Variants in SLC30A10 observed in about 807,000 individuals in gnomAD.
SLC30A10 encodes the protein solute carrier family 30 member 10, also known as calcium/manganese antiporter SLC30A10.
In SLC30A10, 8 loss-of-function variants were observed where a neutral mutation model predicts 21.7. The ratio of observed to expected loss-of-function variants is 0.37; its 90% CI spans 0.22 to 0.67. The LOEUF (loss-of-function observed/expected upper bound fraction) is 0.67, where lower values mean the gene tolerates loss of function less well. SLC30A10 is among the 30% of genes least tolerant of loss of function. The pLI is 0.58. For missense variants in SLC30A10, 521 were observed against 642.5 expected (o/e 0.81, Z 2.04); for synonymous variants, 272 against 279.4 (o/e 0.97, Z 0.26).
Position 219,928,392 on chromosome 1 carries a change from G to A in SLC30A10, c.49C>T (p.Leu17Phe), listed in dbSNP as rs374053468. 1 of 1,613,410 alleles carries A rather than the reference G, an allele frequency of 6.2e-7. No homozygotes were observed. Among genetic ancestry groups the A allele is most frequent in the Non-Finnish European group, 8.5e-7 (1 of 1,179,704 alleles). ...TCCGCCACGAAGAAGGCGACGGTGA[G>A]CACCAGCATGAAGAGCAGCCGGCAC... ...KTCRLLFMLV[L>F]TVAFFVAELV... is the part of the protein sequence containing the mutation. Residue 17 changes from leucine (L) to phenylalanine (F), a missense_variant, in exon 1 of 4, where the codon CTC (leucine) becomes TTC (phenylalanine). Coordinates refer to ENST00000366926, the MANE Select transcript of SLC30A10 (RefSeq NM_018713.3). This position sits in a 1 kb window ranked among gnomAD's most constrained non-coding sequence, Gnocchi z 6.3.
At chr1:219,921,350 T>C (rs1558251588) in intron 2 of SLC30A10, among the ~76,000 whole-genome samples, 1 of 152,176 alleles carries the variant, frequency 6.6e-6, no homozygotes, top group Non-Finnish European at 1.5e-5. Flanking sequence ...AATACATAAG[T>C]AACTTGTCCA....
intron 1 of SLC30A10, among the ~76,000 whole-genome samples, chr1:219,951,574 A>T (rs1231507162): frequency 6.6e-6 from 1 of 151,642 alleles, no homozygotes; most frequent in Non-Finnish European, 1.5e-5. Flanking sequence ...ACAAAAAATT[A>T]GCCGGGTGTG....
chr1:219,935,389 T>A (rs750633086), intron 1 of SLC30A10, among the ~76,000 whole-genome samples: 1 of 152,222 alleles, frequency 6.6e-6, no homozygotes, highest in Non-Finnish European at 1.5e-5. Flanking sequence ...GGAAATAATT[T>A]TGTGTGAAGG....
rs765912310 is a variant in SLC30A10, at chr1:219,928,237, G to A, written c.204C>T (p.Phe68=). The A allele has an allele frequency of 1.3e-6, 2 of 1,572,924 alleles. No homozygotes were observed. Among genetic ancestry groups the A allele is most frequent in the Non-Finnish European group, 1.7e-6 (2 of 1,159,768 alleles). Residue 68 remains phenylalanine, a synonymous_variant, in exon 1 of 4, where the codon TTC becomes TTT. Transcript: ENST00000366926. The surrounding 1 kb of genome is among the most constrained non-coding windows in gnomAD (Gnocchi z 6.3). ...GYIARRPTRG[F]SATYGYARAE... is the part of the protein sequence containing the mutation. ...CGCGGGCGTAGCCGTAGGTGGCGCTGAAGCCCCGGGTGGGGCGCCGGGCGA... is the reference window on the plus strand; with the variant it reads ...CGCGGGCGTAGCCGTAGGTGGCGCTAAAGCCCCGGGTGGGGCGCCGGGCGA...
At chr1:219,953,473 G>A (rs1558261966) in intron 1 of SLC30A10, among the ~76,000 whole-genome samples, 1 of 151,908 alleles carries the variant, frequency 6.6e-6, no homozygotes, top group African/African-American at 2.4e-5. Flanking sequence ...GCACAAGCCT[G>A]TAATCCCACC....
chr1:219,915,743 C>T lies in SLC30A10; in HGVS notation c.1164G>A (p.Lys388=), dbSNP rs564303811. 8.6e-5 allele frequency: 139 copies of T among 1,614,208 alleles called. 2 individuals are homozygous for T. In the South Asian group the frequency reaches 1.3e-3, roughly 15 times the overall value. ...VTIQFENVDL[K]EPLEQKDLLL... ...GTAAGTCCTTCTGCTCCAGGGGTTC[C>T]TTCAAGTCCACATTTTCAAACTGGA... Residue 388 remains lysine (K), a synonymous_variant, in exon 4 of 4, where the codon AAG becomes AAA. Transcript: ENST00000366926.
chr1:219,916,365 T>C (rs556410259), intron 3 of SLC30A10, among the ~76,000 whole-genome samples: 6 of 152,344 alleles, frequency 3.9e-5, no homozygotes, highest in African/African-American at 1.4e-4. Context: ...AATATGTATG[T>C]ACAAGAATGG....
intron 2 of SLC30A10, among the ~76,000 whole-genome samples, chr1:219,921,539 C>G (rs1659675952): frequency 6.6e-6 from 1 of 152,000 alleles, no homozygotes; most frequent in Admixed American, 6.6e-5. Context: ...CTTGTTTTTC[C>G]CATAATCCAC....
At chr1:219,926,486 C>T (rs10863517) in intron 2 of SLC30A10, among the ~76,000 whole-genome samples, 48,268 of 146,056 alleles carry the variant, frequency 0.33, 8,181 homozygotes, top group Non-Finnish European at 0.4. Flanking sequence ...CCGACCTTGA[C>T]CACATGGTGA....
In SLC30A10 at chr1:219,912,811, G is replaced by A. The variant is rs2102522149; in HGVS notation, c.*2638C>T. Among the ~76,000 whole-genome samples the A allele has an allele frequency of 6.6e-6, 1 of 152,102 alleles. No individual in the cohort carries two copies. Among genetic ancestry groups the A allele is most frequent in the South Asian group, 2.1e-4 (1 of 4,818 alleles). ...ATAGCACCACTGCACTCCAGCCTGG[G>A]CGACAGAGCAAGACTCCGTCTCAAA... On this transcript the variant is annotated 3_prime_UTR_variant, in exon 4 of 4. Transcript: ENST00000366926.
At chr1:219,926,498 A>G (rs1365556685) in intron 2 of SLC30A10, among the ~76,000 whole-genome samples, 2 of 152,170 alleles carry the variant, frequency 1.3e-5, no homozygotes, top group Non-Finnish European at 2.9e-5. Context: ...ACATGGTGAG[A>G]GGCTAGCTAG....
At chr1:219,916,799 C>T (rs1659555425) in intron 3 of SLC30A10, among the ~76,000 whole-genome samples, 1 of 152,118 alleles carries the variant, frequency 6.6e-6, no homozygotes, top group Non-Finnish European at 1.5e-5. Context: ...TACCTAACCT[C>T]TCTGTGCCTC....
chr1:219,917,155 A>G (rs1334699964), intron 3 of SLC30A10, among the ~76,000 whole-genome samples: 1 of 151,650 alleles, frequency 6.6e-6, no homozygotes, highest in Non-Finnish European at 1.5e-5. Context: ...TTTATAAAAA[A>G]TAATTTTTTT....
Position 219,911,159 on chromosome 1 carries a change from T to TGTTTTTTTTTG in SLC30A10, c.*4289_*4290insCAAAAAAAAAC, listed in dbSNP as rs1553311732. Among the ~76,000 whole-genome samples, 13 of 128,308 alleles carry TGTTTTTTTTTG rather than the reference T, an allele frequency of 1.0e-4. No individual in the cohort carries two copies. Among genetic ancestry groups the TGTTTTTTTTTG allele is most frequent in the South Asian group, 2.4e-4 (1 of 4,150 alleles). 84.2% of individuals were successfully genotyped at this position (128,308 alleles called of 152,430 possible). On this transcript the variant is annotated 3_prime_UTR_variant, in exon 4 of 4. Coordinates refer to ENST00000366926, the MANE Select transcript of SLC30A10 (RefSeq NM_018713.3). ...ATTTTTTCTACATCAGTTTTTTTTT[T>TGTTTTTTTTTG]TTTTTTTTTTTTTTTGCAGTCTTTT...
intron 1 of SLC30A10, 118 bp downstream of exon 1, chr1:219,927,678 CAAAAA>C (rs111682715): frequency 1.3e-5 from 4 of 313,270 alleles, no homozygotes; most frequent in African/African-American, 5.4e-5. Context: ...ACAACAACAA[CAAAAA>C]AAAAAAAACA....
intron 1 of SLC30A10, among the ~76,000 whole-genome samples, chr1:219,944,401 T>G (rs1571811492): frequency 6.6e-6 from 1 of 151,700 alleles, no homozygotes; most frequent in Admixed American, 6.6e-5. Context: ...TGAGCCGAGA[T>G]CGCGCCACTG....
At chr1:219,956,730 A>C (rs1660360297) in intron 1 of SLC30A10, among the ~76,000 whole-genome samples, 1 of 152,114 alleles carries the variant, frequency 6.6e-6, no homozygotes, top group Non-Finnish European at 1.5e-5. Flanking sequence ...ATTTGTCTTA[A>C]GCCTCTTGTT....
At chr1:219,934,930 C>A (rs1048360004) in intron 1 of SLC30A10, among the ~76,000 whole-genome samples, 1 of 151,908 alleles carries the variant, frequency 6.6e-6, no homozygotes, top group Non-Finnish European at 1.5e-5. Flanking sequence ...GTCAAGGGGA[C>A]AAGGGTAAGT....
intron 1 of SLC30A10, among the ~76,000 whole-genome samples, chr1:219,948,815 G>T (rs111745435): frequency 0.042 from 6,363 of 152,148 alleles, 321 homozygotes; most frequent in African/African-American, 0.12. Flanking sequence ...TACCATCAGA[G>T]TGAACAGGCA....
Sources: gnomAD v4.1 joint callset for allele counts (sites outside exome capture counted in the v4.1 genomes callset) on GRCh38, gnomAD v4.1.1 for gene constraint, Gnocchi (gnomAD v3.1) non-coding constraint, MANE v1.5 for transcripts, NCBI Gene and HGNC (gene_info 2026-07-23, HGNC 2026-07-21) for gene names.